CPD: variants seen among roughly 807,000 people sequenced by gnomAD.
The protein encoded by CPD is metallocarboxypeptidase D.
In CPD, 69 loss-of-function variants were observed where a neutral mutation model predicts 138.3. The ratio of observed to expected loss-of-function variants is 0.50; its 90% CI spans 0.41 to 0.61. The LOEUF (loss-of-function observed/expected upper bound fraction) is 0.61. Among genes scored for constraint, CPD ranks in the 20% least tolerant of loss-of-function variants. CPD has a pLI of 0.00. For missense variants in CPD, 1,432 were observed against 1,733.3 expected (o/e 0.83, Z 3.09); for synonymous variants, 651 against 642.1 (o/e 1.01, Z -0.21).
intron 1 of CPD, among the ~76,000 whole-genome samples, chr17:30,380,821 G>A (rs112674620): frequency 5.9e-5 from 9 of 152,318 alleles, no homozygotes; most frequent in African/African-American, 1.9e-4. Flanking sequence ...ACTCCAGATG[G>A]CATAGTGTCT....
At position 30,403,046 on chromosome 17, in the gene CPD, C is replaced by G. The variant is rs952584037; in HGVS notation, c.995-17795C>G. ...GCTTTAACCTGGGAGGTGGAGGTTG[C>G]GGTGAGCAGAGATAGTGCCATTGCA... On this transcript the variant is annotated intron_variant, in intron 2 of 20. Coordinates refer to ENST00000225719, the MANE Select transcript of CPD (RefSeq NM_001304.5). Among the ~76,000 whole-genome samples, 3 of 152,086 alleles carry G rather than the reference C, an allele frequency of 2.0e-5. No homozygotes were observed. In the East Asian group the frequency reaches 5.8e-4, roughly 29 times the overall value.
chr17:30,445,556 G>A (rs370873854), intron 11 of CPD, 135 bp from the exon 12 acceptor site: 34 of 550,060 alleles, frequency 6.2e-5, no homozygotes, highest in East Asian at 3.5e-4. Flanking sequence ...ATTACTCAAC[G>A]TTAAAATTTT....
intron 2 of CPD, among the ~76,000 whole-genome samples, chr17:30,392,307 G>T (rs1042283512): frequency 1.3e-5 from 2 of 152,100 alleles, no homozygotes; most frequent in African/African-American, 4.8e-5. Context: ...ACTGCGCCCG[G>T]CCTAAAATCT....
rs551435103 is a variant in CPD, at chr17:30,405,322, A to G, written c.995-15519A>G. On this transcript the variant is annotated intron_variant, in intron 2 of 20. Coordinates refer to ENST00000225719, the MANE Select transcript of CPD (RefSeq NM_001304.5). The stretch of plus-strand genomic sequence containing the variant: ...GCACTTTTCATGAGATAAGGTGAAC[A>G]TGAAAGAGCTACCTGTGGAGATATT... Among the ~76,000 whole-genome samples the G allele has an allele frequency of 8.5e-5, 13 of 152,304 alleles. No homozygotes were observed. The South Asian group carries it at 2.1e-3, about 24-fold the overall frequency.
At chr17:30,421,530 G>A in intron 3 of CPD, 134 bp from the exon 4 acceptor site, 1 of 718,012 alleles carries the variant, frequency 1.4e-6, no homozygotes, top group Non-Finnish European at 2.3e-6. Context: ...TAAACTTCAA[G>A]GGATTGAAAA....
chr17:30,463,224 C>T (rs551976927), intron 20 of CPD, among the ~76,000 whole-genome samples: 34 of 152,200 alleles, frequency 2.2e-4, no homozygotes, highest in Non-Finnish European at 4.6e-4. Flanking sequence ...CCCTGATCAC[C>T]CTAGCTACCC....
intron 12 of CPD, 40 bp downstream of exon 12, chr17:30,446,060 A>T: frequency 7.1e-7 from 1 of 1,405,466 alleles, no homozygotes; most frequent in South Asian, 1.3e-5. Context: ...TTTTTTCAAG[A>T]CAGTAAAATC....
chr17:30,423,067 A>G (rs759202763), intron 5 of CPD, 44 bp downstream of exon 5: 2 of 1,414,392 alleles, frequency 1.4e-6, no homozygotes, highest in African/African-American at 2.8e-5. Flanking sequence ...GTGCCCCTCA[A>G]AGCCATGTTC....
chr17:30,446,998 C>A (rs1224318472), intron 12 of CPD, among the ~76,000 whole-genome samples: 3 of 152,158 alleles, frequency 2.0e-5, no homozygotes, highest in African/African-American at 7.2e-5. Flanking sequence ...TGTTCATATC[C>A]TTCACCCACT....
intron 17 of CPD, among the ~76,000 whole-genome samples, chr17:30,459,166 G>GTTTTTTTTT (rs1913387463): frequency 9.2e-6 from 1 of 108,754 alleles, no homozygotes; most frequent in Non-Finnish European, 1.9e-5. Flanking sequence ...TTTTTTTTTG[G>GTTTTTTTTT]TTGTTGTTTT....
Position 30,455,371 on chromosome 17 carries a change from A to G in CPD, c.3238A>G (p.Ile1080Val), listed in dbSNP as rs1913266584. Residue 1080 changes from isoleucine (I) to valine (V), a missense_variant, in exon 15 of 21, where the codon ATT (isoleucine) becomes GTT (valine). Physicochemically the swap from Ile to Val is conservative, Grantham distance 29. Coordinates refer to ENST00000225719, the MANE Select transcript of CPD (RefSeq NM_001304.5). The stretch of plus-strand genomic sequence containing the variant: ...CTCCCAACCTGAGACCAAAGCCATC[A>G]TTGAAAATTTGATTCAAAAACAGGA... ...NASQPETKAIIENLIQKQDFS... is the reference protein window; with the variant it reads ...NASQPETKAIVENLIQKQDFS... 6.2e-7 allele frequency: 1 copy of G among 1,613,298 alleles called. No individual in the cohort carries two copies. Among genetic ancestry groups the G allele is most frequent in the Admixed American group, 1.7e-5 (1 of 59,848 alleles).
chr17:30,425,295 A>G (rs1339803501), intron 6 of CPD, among the ~76,000 whole-genome samples: 2 of 152,080 alleles, frequency 1.3e-5, no homozygotes, highest in Admixed American at 6.5e-5. Context: ...GCATATCACA[A>G]TTTTCTTTTC....
intron 10 of CPD, among the ~76,000 whole-genome samples, chr17:30,443,162 CACAT>C (rs1271830568): frequency 6.6e-6 from 1 of 152,070 alleles, no homozygotes; most frequent in African/African-American, 2.4e-5. Flanking sequence ...TTTACACACT[CACAT>C]ACACATACAT....
At chr17:30,429,354 A>G (rs1912504159) in intron 7 of CPD, among the ~76,000 whole-genome samples, 1 of 152,182 alleles carries the variant, frequency 6.6e-6, no homozygotes, top group Admixed American at 6.5e-5. Context: ...AGATTTACAG[A>G]TGTGGTGTCC....
At chr17:30,455,309 T>C (rs1441095292) in intron 14 of CPD, 30 bp from the exon 15 acceptor site, 1 of 1,557,702 alleles carries the variant, frequency 6.4e-7, no homozygotes, top group Non-Finnish European at 8.7e-7. Flanking sequence ...TAAAATTTGA[T>C]ATTTTATATT....
chr17:30,468,434 T>C lies in CPD; in HGVS notation c.*3620T>C, dbSNP rs1378430740. On this transcript the variant is annotated 3_prime_UTR_variant, in exon 21 of 21. Coordinates refer to ENST00000225719, the MANE Select transcript of CPD (RefSeq NM_001304.5). Reference sequence around the variant, plus strand: ...AGTTTTTCCAAGTGATACTCCCAGTTCTAGAGCAATCTACAGCTGTTTATG... The same window carrying C: ...AGTTTTTCCAAGTGATACTCCCAGTCCTAGAGCAATCTACAGCTGTTTATG... 1.3e-5 allele frequency: 2 copies of C among 152,582 alleles called. No homozygotes were observed. The highest frequency in any genetic ancestry group is 6.5e-5 in the Admixed American group (1 of 15,270). 9.5% of individuals were successfully genotyped at this position (152,582 alleles called of 1,614,324 possible). A position where few individuals can be genotyped will look rare whatever the true frequency, so the allele number is the denominator to read the frequency against.
At position 30,421,730 on chromosome 17, in the gene CPD, A is replaced by G; in HGVS notation, c.1204A>G (p.Ile402Val). ...ITGSGLENAT[I>V]SVAGINHNIT... ...AGGATCTGGGTTAGAGAATGCAACC[A>G]TCTCAGTGGCTGGTATTAATCATAA... Residue 402 changes from isoleucine to valine, a missense_variant, in exon 4 of 21, where the codon ATC (isoleucine) becomes GTC (valine). By Grantham distance (29) the Ile-to-Val change is conservative (BLOSUM62 3). Around this residue, in one of 6 missense-constraint regions of CPD, gnomAD observed 160 missense variants for 197.9 expected, o/e 0.81. Transcript: ENST00000225719. 1.2e-6 allele frequency: 2 copies of G among 1,613,608 alleles called. No individual in the cohort carries two copies. The highest frequency in any genetic ancestry group is 1.7e-6 in the Non-Finnish European group (2 of 1,179,568).
intron 1 of CPD, among the ~76,000 whole-genome samples, chr17:30,381,323 A>C (rs1911039864): frequency 1.3e-5 from 2 of 152,144 alleles, no homozygotes; most frequent in Non-Finnish European, 2.9e-5. Flanking sequence ...TTGCACCTTT[A>C]AAATGCTGTG....
At chr17:30,394,115 CCTT>C (rs1445098002) in intron 2 of CPD, among the ~76,000 whole-genome samples, 3 of 98,068 alleles carry the variant, frequency 3.1e-5, no homozygotes, top group East Asian at 6.2e-4. Context: ...TGCACTCCAG[CCTT>C]TTTTTTTTTT....
Sources: allele counts gnomAD v4.1 joint callset (sites outside exome capture counted in the v4.1 genomes callset), GRCh38; gene constraint gnomAD v4.1.1; regional missense constraint gnomAD v4.1.1; transcripts MANE v1.5; gene names NCBI Gene and HGNC (gene_info 2026-07-23, HGNC 2026-07-21).